The following COX7B2 variants were observed in gnomAD, a reference collection of about 807,000 sequenced individuals.
COX7B2 encodes cytochrome c oxidase subunit 7B2.
For synonymous variants in COX7B2, 37 were observed against 32.1 expected (o/e 1.15, Z -0.51); for missense variants, 109 against 95.9 (o/e 1.14, Z -0.57).
chr4:46,741,796 A>G (rs1289473661), intron 2 of COX7B2, among the ~76,000 whole-genome samples: 3 of 152,148 alleles, frequency 2.0e-5, no homozygotes, highest in Non-Finnish European at 4.4e-5. Flanking sequence ...TTTATGACAA[A>G]ATGTAGATTC....
At chr4:46,746,367 T>C (rs1054336377) in intron 2 of COX7B2, among the ~76,000 whole-genome samples, 3 of 152,198 alleles carry the variant, frequency 2.0e-5, no homozygotes, top group Admixed American at 2.0e-4. Flanking sequence ...AAAGAAATTA[T>C]AAAAGTGGCA....
intron 2 of COX7B2, among the ~76,000 whole-genome samples, chr4:46,813,223 T>C (rs990639297): frequency 4.6e-5 from 7 of 152,204 alleles, no homozygotes; most frequent in Non-Finnish European, 1.0e-4. Context: ...TGTACATCTA[T>C]TTACCAAATT....
chr4:46,808,510 T>C (rs1031947669), intron 2 of COX7B2, among the ~76,000 whole-genome samples: 5 of 151,860 alleles, frequency 3.3e-5, no homozygotes, highest in Non-Finnish European at 7.4e-5. Flanking sequence ...TAGATGACTT[T>C]TCATGTCCTT....
intron 1 of COX7B2, among the ~76,000 whole-genome samples, chr4:46,886,168 A>G (rs1440882703): frequency 1.3e-5 from 2 of 152,218 alleles, no homozygotes; most frequent in Non-Finnish European, 2.9e-5. Flanking sequence ...GATCAGGTTA[A>G]AAATGACTCA....
At chr4:46,779,978 T>C (rs1185296512) in intron 2 of COX7B2, among the ~76,000 whole-genome samples, 1 of 152,226 alleles carries the variant, frequency 6.6e-6, no homozygotes, top group African/African-American at 2.4e-5. Flanking sequence ...TAGATAACTA[T>C]GTGAGACCAT....
intron 2 of COX7B2, among the ~76,000 whole-genome samples, chr4:46,791,860 A>C (rs147066312): frequency 1.3e-5 from 2 of 152,070 alleles, no homozygotes; most frequent in African/African-American, 4.8e-5. Context: ...TTTGCACCCA[A>C]TGATGCTTAC....
At chr4:46,872,435 G>C (rs1468241558) in intron 1 of COX7B2, among the ~76,000 whole-genome samples, 3 of 152,188 alleles carry the variant, frequency 2.0e-5, no homozygotes, top group Non-Finnish European at 4.4e-5. Context: ...GTGTTTACCT[G>C]TGTAATAAAC....
chr4:46,900,491 T>C (rs1720013674), intron 1 of COX7B2, among the ~76,000 whole-genome samples: 1 of 152,074 alleles, frequency 6.6e-6, no homozygotes, highest in African/African-American at 2.4e-5. Context: ...TAAGAACTGG[T>C]GGCAGGGGAG....
intron 1 of COX7B2, among the ~76,000 whole-genome samples, chr4:46,881,454 G>T (rs1393270691): frequency 6.6e-6 from 1 of 152,182 alleles, no homozygotes; most frequent in African/African-American, 2.4e-5. Flanking sequence ...AGTGAGCAGA[G>T]GGGTGACTTT....
intron 1 of COX7B2, among the ~76,000 whole-genome samples, chr4:46,887,057 T>G (rs559827525): frequency 6.6e-6 from 1 of 152,168 alleles, no homozygotes; most frequent in East Asian, 1.9e-4. Context: ...TATGTGTGCC[T>G]CACATTAAGG....
chr4:46,832,203 C>T (rs554270985), intron 2 of COX7B2, among the ~76,000 whole-genome samples: 5 of 152,236 alleles, frequency 3.3e-5, no homozygotes, highest in African/African-American at 1.2e-4. Flanking sequence ...TCCACACTGC[C>T]TTTATGAGCT....
chr4:46,874,885 G>T (rs1305596100), intron 1 of COX7B2, among the ~76,000 whole-genome samples: 1 of 152,114 alleles, frequency 6.6e-6, no homozygotes, highest in East Asian at 1.9e-4. Flanking sequence ...AATCATAGTT[G>T]TATTTAACCA....
In COX7B2 at chr4:46,775,576, T is replaced by C. The variant is rs551416305; in HGVS notation, c.-49-40335A>G. Among the ~76,000 whole-genome samples, 3 of 152,210 alleles carry C rather than the reference T, an allele frequency of 2.0e-5. No homozygotes were observed. In the South Asian group the frequency reaches 6.2e-4, roughly 32 times the overall value. ...CCGCAATGAATATCCCCCTCCATTA[T>C]GTATGGATATTATAAAAAGAAGCGT... On this transcript the variant is annotated intron_variant, in intron 2 of 2. Transcript: ENST00000355591.
intron 2 of COX7B2, among the ~76,000 whole-genome samples, chr4:46,750,259 T>C (rs543564748): frequency 7.3e-6 from 1 of 137,628 alleles, no homozygotes; most frequent in African/African-American, 2.7e-5. Flanking sequence ...CCAGGTGTGG[T>C]GGCACATGCC....
chr4:46,750,195 T>TACACACAC (rs58139781), intron 2 of COX7B2, among the ~76,000 whole-genome samples: 19,237 of 113,728 alleles, frequency 0.17, 2,167 homozygotes, highest in Non-Finnish European at 0.2. Context: ...ATCCCATCTC[T>TACACACAC]ACACACACAC....
chr4:46,762,483 A>G (rs918180043), intron 2 of COX7B2, among the ~76,000 whole-genome samples: 13 of 140,298 alleles, frequency 9.3e-5, no homozygotes, highest in Non-Finnish European at 1.8e-4. Flanking sequence ...TATATACTAT[A>G]TATTGTAAAT....
chr4:46,738,992 G>T (rs944566221), intron 2 of COX7B2, among the ~76,000 whole-genome samples: 1 of 152,058 alleles, frequency 6.6e-6, no homozygotes, highest in Non-Finnish European at 1.5e-5. Flanking sequence ...CTTGATCTCA[G>T]TCTAACTACA....
At chr4:46,903,776 G>A (rs1291992441) in intron 1 of COX7B2, 2 of 152,208 alleles carry the variant, frequency 1.3e-5, no homozygotes, top group Non-Finnish European at 2.9e-5. Context: ...CGGTAGCCTA[G>A]GAGCGATTAG....
intron 2 of COX7B2, among the ~76,000 whole-genome samples, chr4:46,779,751 C>A (rs1717342167): frequency 6.7e-6 from 1 of 150,116 alleles, no homozygotes; most frequent in African/African-American, 2.5e-5. Context: ...TCAAACTAAA[C>A]CAAATAAAAA....
Sources: gnomAD v4.1 joint callset for allele counts (sites outside exome capture counted in the v4.1 genomes callset) on GRCh38, gnomAD v4.1.1 for gene constraint, MANE v1.5 for transcripts, NCBI Gene and HGNC (gene_info 2026-07-23, HGNC 2026-07-21) for gene names.